Variants in DPYD observed in about 807,000 individuals in gnomAD.
DPYD encodes the protein dihydropyrimidine dehydrogenase [NADP(+)].
A neutral mutation model predicts 116.2 loss-of-function variants in DPYD; 109 were observed. That is an observed-to-expected ratio of 0.94 (90% confidence interval 0.80 to 1.10). The LOEUF (loss-of-function observed/expected upper bound fraction) is 1.10, where lower values mean the gene tolerates loss of function less well. Ranked by LOEUF, DPYD falls within the 50% of genes least tolerant of loss-of-function variation. DPYD has a pLI of 0.00. For synonymous variants in DPYD, 440 were observed against 432.0 expected (o/e 1.02, Z -0.23); for missense variants, 1,302 against 1,254.5 (o/e 1.04, Z -0.57).
At chr1:97,228,071 A>G (rs1661315977) in intron 19 of DPYD, among the ~76,000 whole-genome samples, 1 of 151,360 alleles carries the variant, frequency 6.6e-6, no homozygotes, top group Non-Finnish European at 1.5e-5. Context: ...ATACACTTAC[A>G]TTTAACATTT....
chr1:97,296,719 T>G (rs1666559436), intron 18 of DPYD, among the ~76,000 whole-genome samples: 1 of 152,042 alleles, frequency 6.6e-6, no homozygotes, highest in Admixed American at 6.6e-5. Flanking sequence ...TAAAGAGTAC[T>G]TCCAAAGAGG....
chr1:97,716,134 T>C (rs1662601663), intron 5 of DPYD, among the ~76,000 whole-genome samples: 3 of 152,112 alleles, frequency 2.0e-5, no homozygotes, highest in Non-Finnish European at 4.4e-5. Context: ...TAATGTAGTC[T>C]CATAACACTT....
intron 5 of DPYD, among the ~76,000 whole-genome samples, chr1:97,700,888 ATAAC>A (rs1351643902): frequency 5.9e-5 from 9 of 151,752 alleles, no homozygotes; most frequent in African/African-American, 1.4e-4. Flanking sequence ...AGCAAAAAAA[ATAAC>A]TAGCTAATGT....
intron 13 of DPYD, among the ~76,000 whole-genome samples, chr1:97,503,548 C>G (rs1679714787): frequency 6.6e-6 from 1 of 151,980 alleles, no homozygotes; most frequent in South Asian, 2.1e-4. Flanking sequence ...CTTTCTCAGT[C>G]TGCAAGGCAC....
chr1:97,285,762 C>T (rs1444504261), intron 18 of DPYD, among the ~76,000 whole-genome samples: 1 of 150,730 alleles, frequency 6.6e-6, no homozygotes, highest in African/African-American at 2.4e-5. Flanking sequence ...CAGCTCACCA[C>T]AACCTTTGCC....
chr1:97,770,945 T>C (rs975932741), intron 3 of DPYD, among the ~76,000 whole-genome samples: 1 of 152,148 alleles, frequency 6.6e-6, no homozygotes, highest in Non-Finnish European at 1.5e-5. Flanking sequence ...TTATCTAACA[T>C]ATGAAAAAAT....
intron 1 of DPYD, among the ~76,000 whole-genome samples, chr1:97,895,616 T>C (rs956984747): frequency 6.6e-6 from 1 of 151,698 alleles, no homozygotes; most frequent in African/African-American, 2.4e-5. Context: ...ATTTTATTAA[T>C]TGAAGGATTA....
Position 97,083,856 on chromosome 1 carries a change from T to C in DPYD, c.2767-1386A>G, listed in dbSNP as rs1570427560. ...ACGGAGTCTTGGAATTTCATAGTTATATGTCACTACATAACTTGCTCCAAT... is the reference window on the plus strand; with the variant it reads ...ACGGAGTCTTGGAATTTCATAGTTACATGTCACTACATAACTTGCTCCAAT... On this transcript the variant is annotated intron_variant, in intron 21 of 22. Transcript: ENST00000370192. Among the ~76,000 whole-genome samples, 5 of 152,280 alleles carry C rather than the reference T, an allele frequency of 3.3e-5. No homozygotes were observed. In the South Asian group the frequency reaches 8.3e-4, roughly 25 times the overall value.
intron 13 of DPYD, among the ~76,000 whole-genome samples, chr1:97,474,791 T>A (rs1449603592): frequency 6.7e-6 from 1 of 149,886 alleles, no homozygotes; most frequent in Non-Finnish European, 1.5e-5. Context: ...ATATATGTTA[T>A]AATTATAGCA....
At chr1:97,257,105 T>A (rs1376823198) in intron 18 of DPYD, among the ~76,000 whole-genome samples, 1 of 152,066 alleles carries the variant, frequency 6.6e-6, no homozygotes, top group Non-Finnish European at 1.5e-5. Flanking sequence ...AGAAAAATTC[T>A]GAGTTTTTTT....
chr1:97,708,206 T>G (rs1557898084), intron 5 of DPYD, among the ~76,000 whole-genome samples: 1 of 152,120 alleles, frequency 6.6e-6, no homozygotes, highest in Non-Finnish European at 1.5e-5. Flanking sequence ...TTTGATTTTG[T>G]ACCTAAAAAG....
rs1336778564 is a variant in DPYD at position 97,079,012 on chromosome 1, C to G, written c.3042G>C (p.Lys1014Asn). 13 of 1,613,708 alleles carry G rather than the reference C, an allele frequency of 8.1e-6. No homozygotes were observed. Among genetic ancestry groups the G allele is most frequent in the Non-Finnish European group, 1.1e-5 (13 of 1,179,686 alleles). Residue 1014 changes from lysine to asparagine, a missense_variant, in exon 23 of 23, where the codon AAG (lysine) becomes AAC (asparagine). Lys to Asn is a moderately conservative substitution (Grantham distance 94). Coordinates refer to ENST00000370192, the MANE Select transcript of DPYD (RefSeq NM_000110.4). ...MVSRTTPYEP[K>N]RGVPLSVNPV... ...GATTCACAGATAAGGGTACGCCTCT[C>G]TTTGGTTCATAAGGTGTTGTCCTGG...
At chr1:97,444,929 G>C (rs1055886989) in intron 14 of DPYD, among the ~76,000 whole-genome samples, 2 of 152,090 alleles carry the variant, frequency 1.3e-5, no homozygotes, top group African/African-American at 4.8e-5. Flanking sequence ...TGGTCCCCAG[G>C]TGAGACAGAA....
chr1:97,779,889 T>G (rs1666637243), intron 3 of DPYD, among the ~76,000 whole-genome samples: 2 of 152,162 alleles, frequency 1.3e-5, no homozygotes, highest in African/African-American at 4.8e-5. Context: ...CATGATCAGT[T>G]ACTTCATCTC....
intron 18 of DPYD, among the ~76,000 whole-genome samples, chr1:97,248,812 C>A (rs879382187): frequency 2.0e-5 from 3 of 152,098 alleles, no homozygotes; most frequent in Admixed American, 6.5e-5. Context: ...ATTCCATATA[C>A]TCACAAGAAG....
At chr1:97,118,162 T>C (rs1652128784) in intron 20 of DPYD, among the ~76,000 whole-genome samples, 1 of 152,158 alleles carries the variant, frequency 6.6e-6, no homozygotes, top group Admixed American at 6.5e-5. Context: ...TTTCCTTTTC[T>C]TTCGGTTCTT....
intron 14 of DPYD, among the ~76,000 whole-genome samples, chr1:97,417,578 T>G (rs568337966): frequency 6.6e-6 from 1 of 152,350 alleles, no homozygotes. Flanking sequence ...AAGCTACACA[T>G]AGTAAGCAAA....
chr1:97,816,114 G>A (rs1668592726), intron 3 of DPYD, among the ~76,000 whole-genome samples: 1 of 150,324 alleles, frequency 6.7e-6, no homozygotes. Flanking sequence ...AGGCTAGAGT[G>A]CAATGGCTAT....
At chr1:97,165,581 T>C (rs766286930) in intron 20 of DPYD, among the ~76,000 whole-genome samples, 6 of 151,532 alleles carry the variant, frequency 4.0e-5, no homozygotes, top group Non-Finnish European at 7.4e-5. Context: ...TGGGAACTAA[T>C]TAAACTTAAG....
Sources: allele counts gnomAD v4.1 joint callset (sites outside exome capture counted in the v4.1 genomes callset), GRCh38; gene constraint gnomAD v4.1.1; transcripts MANE v1.5; gene names NCBI Gene and HGNC (gene_info 2026-07-23, HGNC 2026-07-21).